The following ACTR3C variants were observed in gnomAD, a reference collection of about 807,000 sequenced individuals.
ACTR3C encodes the protein actin-related protein 3C.
In ACTR3C, 18 loss-of-function variants were observed where a neutral mutation model predicts 26.3. The observed-to-expected ratio is 0.68, with a 90% CI of 0.47 to 1.01. The LOEUF is 1.01. ACTR3C is among the 50% of genes least tolerant of loss of function. The pLI is 0.00. For synonymous variants in ACTR3C, 55 were observed against 94.5 expected (o/e 0.58, Z 2.42); for missense variants, 184 against 250.7 (o/e 0.73, Z 1.80).
At chr7:150,240,893 A>G (rs6962307), downstream of ACTR3C, among the ~76,000 whole-genome samples, 3,402 of 152,296 alleles carry the variant, frequency 0.022, 141 homozygotes, top group African/African-American at 0.077. Flanking sequence ...ATCAATTTTT[A>G]TCTATACGCT....
the ACTR3C span, among the ~76,000 whole-genome samples, chr7:150,098,235 G>T: frequency 6.6e-6 from 1 of 151,816 alleles, no homozygotes; most frequent in Admixed American, 6.6e-5. Flanking sequence ...AGGAATTCTT[G>T]TCGTTGAGAA....
chr7:149,994,593 C>T, the ACTR3C span, among the ~76,000 whole-genome samples: 2 of 151,832 alleles, frequency 1.3e-5, no homozygotes, highest in Admixed American at 6.6e-5. Context: ...AAGAGTGGAA[C>T]TCCATCTCAA....
the ACTR3C span, among the ~76,000 whole-genome samples, chr7:150,043,640 A>C: frequency 6.6e-6 from 1 of 152,220 alleles, no homozygotes; most frequent in African/African-American, 2.4e-5. Context: ...TGCTCCTGCA[A>C]TATCCATGGC....
the ACTR3C span, among the ~76,000 whole-genome samples, chr7:150,034,506 T>C: frequency 1.7e-4 from 25 of 149,178 alleles, no homozygotes; most frequent in African/African-American, 4.8e-4. Flanking sequence ...TACAAAGGCT[T>C]GGCTAATACT....
the ACTR3C span, among the ~76,000 whole-genome samples, chr7:150,076,260 C>T: frequency 6.6e-6 from 1 of 151,756 alleles, no homozygotes; most frequent in Non-Finnish European, 1.5e-5. Context: ...GTGTCTCCAA[C>T]AAGCCTAGTC....
the ACTR3C span, among the ~76,000 whole-genome samples, chr7:149,954,630 T>C: frequency 6.6e-6 from 1 of 152,252 alleles, no homozygotes; most frequent in African/African-American, 2.4e-5. Flanking sequence ...TTAATTTCAC[T>C]TAAATTCAAA....
the ACTR3C span, among the ~76,000 whole-genome samples, chr7:149,921,751 C>T: frequency 3.3e-5 from 5 of 152,014 alleles, no homozygotes; most frequent in African/African-American, 1.2e-4. Context: ...GTAGCAGGCA[C>T]CTGTAATCCT....
chr7:150,047,441 G>T, the ACTR3C span, among the ~76,000 whole-genome samples: 6 of 152,046 alleles, frequency 3.9e-5, no homozygotes, highest in Non-Finnish European at 7.4e-5. Context: ...CCGGGACGGC[G>T]ATGACCGCGA....
At chr7:150,286,164 T>C (rs1426864479) in intron 5 of ACTR3C, among the ~76,000 whole-genome samples, 1 of 152,100 alleles carries the variant, frequency 6.6e-6, no homozygotes, top group East Asian at 1.9e-4. Context: ...TAACCCATCC[T>C]TAACTATTAA....
chr7:150,007,580 G>C, the ACTR3C span, among the ~76,000 whole-genome samples: 49,533 of 150,902 alleles, frequency 0.33, 4,037 homozygotes, highest in East Asian at 0.38. Context: ...TGATACCTCA[G>C]ATAACCACAT....
At chr7:150,053,095 A>G in the ACTR3C span, among the ~76,000 whole-genome samples, 1 of 138,466 alleles carries the variant, frequency 7.2e-6, no homozygotes, top group African/African-American at 2.6e-5. Flanking sequence ...GTCATTTCCT[A>G]TTTTCTGGTG....
At chr7:150,081,947 T>G in the ACTR3C span, among the ~76,000 whole-genome samples, 6 of 152,064 alleles carry the variant, frequency 3.9e-5, no homozygotes, top group Admixed American at 2.0e-4. Context: ...TCAGCCTTGC[T>G]TTTAATGAGT....
the ACTR3C span, among the ~76,000 whole-genome samples, chr7:150,015,436 A>G: frequency 1.0e-3 from 155 of 149,646 alleles, no homozygotes; most frequent in Middle Eastern, 3.5e-3. Context: ...TCCATTTTCC[A>G]TCACATACAC....
the ACTR3C span, among the ~76,000 whole-genome samples, chr7:150,133,658 C>T: frequency 6.6e-6 from 1 of 152,188 alleles, no homozygotes; most frequent in African/African-American, 2.4e-5. Context: ...TGACCACACT[C>T]TAACATTTCC....
chr7:150,252,321 T>G (rs893144061), intron 6 of ACTR3C, among the ~76,000 whole-genome samples: 5 of 152,194 alleles, frequency 3.3e-5, no homozygotes, highest in Non-Finnish European at 7.3e-5. Flanking sequence ...CTCCAAAATG[T>G]GCAATTTAAT....
chr7:150,015,176 C>A, the ACTR3C span, among the ~76,000 whole-genome samples: 19 of 152,280 alleles, frequency 1.2e-4, no homozygotes, highest in Admixed American at 4.6e-4. Flanking sequence ...TCTAGGGGGA[C>A]TGGCTCCAAC....
chr7:149,911,789 T>A, the ACTR3C span, among the ~76,000 whole-genome samples: 1 of 152,130 alleles, frequency 6.6e-6, no homozygotes, highest in Non-Finnish European at 1.5e-5. Flanking sequence ...CTGGTTAAGA[T>A]CATGCACTTT....
the ACTR3C span, among the ~76,000 whole-genome samples, chr7:150,232,543 G>T: frequency 1.4e-5 from 2 of 146,808 alleles, no homozygotes; most frequent in Admixed American, 6.7e-5. Flanking sequence ...ATATTTTAAG[G>T]CCAGGCACAG....
chr7:150,152,963 T>A, the ACTR3C span, among the ~76,000 whole-genome samples: 1 of 152,212 alleles, frequency 6.6e-6, no homozygotes, highest in African/African-American at 2.4e-5. Flanking sequence ...TAGTTTGTAT[T>A]TCTGTGGGGT....
Sources: gnomAD v4.1 joint callset for allele counts (sites outside exome capture counted in the v4.1 genomes callset) on GRCh38, gnomAD v4.1.1 for gene constraint, MANE v1.5 for transcripts, NCBI Gene and HGNC (gene_info 2026-07-23, HGNC 2026-07-21) for gene names.